The following CACNA2D3 variants were observed in gnomAD, a reference collection of about 807,000 sequenced individuals.
CACNA2D3 encodes the protein calcium voltage-gated channel auxiliary subunit alpha2delta 3, also known as voltage-dependent calcium channel subunit alpha-2/delta-3.
In CACNA2D3, 60 loss-of-function variants were observed where a neutral mutation model predicts 160.6. The observed-to-expected ratio is 0.37, with a 90% CI of 0.30 to 0.46. CACNA2D3 has a LOEUF of 0.46. CACNA2D3 is among the 20% of genes least tolerant of loss of function. CACNA2D3 has a pLI of 1.00. For synonymous variants in CACNA2D3, 558 were observed against 492.9 expected, an observed-to-expected ratio of 1.13 and a Z score of -1.75; for missense variants, 1,205 against 1,365.0, an observed-to-expected ratio of 0.88 and a Z score of 1.85.
intron 9 of CACNA2D3, among the ~76,000 whole-genome samples, chr3:54,593,906 T>C (rs1273853005): frequency 6.6e-6 from 1 of 152,230 alleles, no homozygotes; most frequent in East Asian, 1.9e-4. Context: ...ACACAAGTGA[T>C]CTAGGGACTG....
chr3:54,929,039 T>C (rs1701111815), intron 27 of CACNA2D3, among the ~76,000 whole-genome samples: 1 of 152,158 alleles, frequency 6.6e-6, no homozygotes, highest in East Asian at 1.9e-4. Flanking sequence ...GTGTGTACGC[T>C]TTTATGGAAG....
intron 10 of CACNA2D3, among the ~76,000 whole-genome samples, chr3:54,628,221 G>A (rs1281331038): frequency 1.3e-4 from 20 of 151,580 alleles, no homozygotes; most frequent in Admixed American, 9.2e-4. Flanking sequence ...GCGAGACTCC[G>A]TCTCAAAAAA....
chr3:54,456,501 G>T (rs1269319127), intron 4 of CACNA2D3, among the ~76,000 whole-genome samples: 1 of 151,756 alleles, frequency 6.6e-6, no homozygotes, highest in African/African-American at 2.4e-5. Flanking sequence ...AAGATCATCT[G>T]CAAACAGATT....
chr3:54,698,825 C>T (rs1030997183), intron 11 of CACNA2D3, among the ~76,000 whole-genome samples: 2 of 152,110 alleles, frequency 1.3e-5, no homozygotes, highest in Non-Finnish European at 2.9e-5. Flanking sequence ...CAATGGCCTG[C>T]CTATGTATTT....
chr3:54,600,242 C>G (rs548926798), intron 9 of CACNA2D3, among the ~76,000 whole-genome samples: 3 of 152,180 alleles, frequency 2.0e-5, no homozygotes, highest in Non-Finnish European at 2.9e-5. Context: ...TGCCTAAACC[C>G]TCTGAGTTTC....
intron 5 of CACNA2D3, among the ~76,000 whole-genome samples, chr3:54,520,441 A>G (rs1701628833): frequency 6.6e-6 from 1 of 152,110 alleles, no homozygotes; most frequent in Non-Finnish European, 1.5e-5. Flanking sequence ...AAAACCTAGA[A>G]CTGACTCAGT....
At chr3:54,288,208 C>A (rs2107472628) in intron 2 of CACNA2D3, among the ~76,000 whole-genome samples, 1 of 152,230 alleles carries the variant, frequency 6.6e-6, no homozygotes, top group African/African-American at 2.4e-5. Flanking sequence ...AGAGAAGAAT[C>A]AAACAGATGC....
At chr3:54,754,738 A>C (rs895080768) in intron 12 of CACNA2D3, among the ~76,000 whole-genome samples, 1 of 152,224 alleles carries the variant, frequency 6.6e-6, no homozygotes, top group African/African-American at 2.4e-5. Context: ...GCCATCCTTC[A>C]TAAAAGTTCC....
At chr3:55,062,947 C>T (rs1704549003) in intron 35 of CACNA2D3, among the ~76,000 whole-genome samples, 1 of 152,142 alleles carries the variant, frequency 6.6e-6, no homozygotes, top group Non-Finnish European at 1.5e-5. Flanking sequence ...TCCAGTGTAG[C>T]AGTACAAGGA....
chr3:54,341,302 T>A (rs1698336097), intron 3 of CACNA2D3, among the ~76,000 whole-genome samples: 1 of 152,222 alleles, frequency 6.6e-6, no homozygotes, highest in African/African-American at 2.4e-5. Flanking sequence ...CAGTGGCTGA[T>A]CAGTCATCCT....
intron 2 of CACNA2D3, among the ~76,000 whole-genome samples, chr3:54,127,381 A>C (rs1699615413): frequency 1.3e-5 from 2 of 152,362 alleles, no homozygotes; most frequent in South Asian, 4.1e-4. Context: ...CTCTTTCCAC[A>C]GGACAGAGTC....
chr3:54,541,900 TAAG>T (rs1424068731), intron 5 of CACNA2D3, among the ~76,000 whole-genome samples: 1 of 151,594 alleles, frequency 6.6e-6, no homozygotes, highest in Non-Finnish European at 1.5e-5. Context: ...TGGCTGTGGT[TAAG>T]TAAGAGGTTA....
intron 2 of CACNA2D3, among the ~76,000 whole-genome samples, chr3:54,133,186 C>T (rs752120658): frequency 6.6e-5 from 10 of 152,012 alleles, no homozygotes; most frequent in East Asian, 1.9e-4. Flanking sequence ...ATGATGCAGG[C>T]GTTTTTTGTA....
At chr3:54,322,615 C>G (rs1704028346) in intron 3 of CACNA2D3, among the ~76,000 whole-genome samples, 1 of 152,136 alleles carries the variant, frequency 6.6e-6, no homozygotes, top group South Asian at 2.1e-4. Context: ...GTTTATTTAG[C>G]TCAGTGTCTG....
intron 13 of CACNA2D3, among the ~76,000 whole-genome samples, chr3:54,790,090 A>G (rs1411957662): frequency 6.6e-6 from 1 of 151,878 alleles, no homozygotes; most frequent in Non-Finnish European, 1.5e-5. Context: ...GCTGGAGTGT[A>G]CTAGGGTAGT....
At chr3:55,018,832 T>C (rs1440647507) in intron 35 of CACNA2D3, among the ~76,000 whole-genome samples, 1 of 152,134 alleles carries the variant, frequency 6.6e-6, no homozygotes, top group East Asian at 1.9e-4. Flanking sequence ...GTCTGGGTGA[T>C]TGGATCTACT....
intron 5 of CACNA2D3, among the ~76,000 whole-genome samples, chr3:54,508,831 A>G (rs140134070): frequency 1.3e-5 from 2 of 152,318 alleles, no homozygotes; most frequent in South Asian, 2.1e-4. Flanking sequence ...CTGAAAATGA[A>G]AAGAGCTCCA....
intron 2 of CACNA2D3, among the ~76,000 whole-genome samples, chr3:54,288,959 T>C (rs1455899825): frequency 1.3e-5 from 2 of 152,102 alleles, no homozygotes; most frequent in Non-Finnish European, 2.9e-5. Context: ...CCACAGCCAA[T>C]ATCATACTGA....
intron 27 of CACNA2D3, among the ~76,000 whole-genome samples, chr3:54,932,221 A>G (rs1456662545): frequency 6.6e-6 from 1 of 152,188 alleles, no homozygotes; most frequent in African/African-American, 2.4e-5. Context: ...TTAGAACTAA[A>G]TATACCCATC....
Sources: allele counts gnomAD v4.1 joint callset (sites outside exome capture counted in the v4.1 genomes callset), GRCh38; gene constraint gnomAD v4.1.1; transcripts MANE v1.5; gene names NCBI Gene and HGNC (gene_info 2026-07-23, HGNC 2026-07-21).